Variants in PLCXD2 observed in about 807,000 individuals in gnomAD.
PLCXD2 encodes the protein phosphatidylinositol specific phospholipase C X domain containing 2, also known as PI-PLC X domain-containing protein 2.
Under a neutral mutation model 28.6 loss-of-function variants are expected in PLCXD2, and 21 were observed. That is an observed-to-expected ratio of 0.73 (90% CI 0.52 to 1.06). PLCXD2 has a LOEUF of 1.06. Among genes scored for constraint, PLCXD2 ranks in the 50% least tolerant of loss-of-function variants. The pLI is 0.00. For synonymous variants in PLCXD2, 140 were observed against 150.1 expected (o/e 0.93, Z 0.49); for missense variants, 369 against 376.7 (o/e 0.98, Z 0.17).
rs935486425 is a variant in PLCXD2, at chr3:111,675,954, A to G, written c.163+546A>G. On this transcript the variant is annotated intron_variant, in intron 1 of 4. Coordinates refer to ENST00000477665, the MANE Select transcript of PLCXD2 (RefSeq NM_001185106.1). ...GCCAGAATAGAGAATGCAGACTCTCATCACAGGCAGTCATTAGGTGTGATG... is the reference window on the plus strand; with the variant it reads ...GCCAGAATAGAGAATGCAGACTCTCGTCACAGGCAGTCATTAGGTGTGATG... Among the ~76,000 whole-genome samples, 9 of 152,214 alleles carry G rather than the reference A, an allele frequency of 5.9e-5. No homozygotes were observed. The East Asian group carries it at 1.7e-3, about 29-fold the overall frequency.
At chr3:111,723,386 A>G (rs940413383) in intron 3 of PLCXD2, 1 of 152,206 alleles carries the variant, frequency 6.6e-6, no homozygotes, top group Non-Finnish European at 1.5e-5. Flanking sequence ...ATATGGTTGC[A>G]CTTCACTTGG....
At chr3:111,700,155 G>A (rs1409784441) in intron 1 of PLCXD2, among the ~76,000 whole-genome samples, 2 of 152,114 alleles carry the variant, frequency 1.3e-5, no homozygotes, top group African/African-American at 4.8e-5. Flanking sequence ...TTTTAAAAGC[G>A]CCCCCTGCTC....
chr3:111,704,738 G>T (rs1465013646), intron 1 of PLCXD2, among the ~76,000 whole-genome samples: 1 of 151,798 alleles, frequency 6.6e-6, no homozygotes, highest in Non-Finnish European at 1.5e-5. Context: ...CTCTTTGAAA[G>T]TATACAATAA....
chr3:111,697,640 T>A (rs973550177), intron 1 of PLCXD2, among the ~76,000 whole-genome samples: 1 of 152,154 alleles, frequency 6.6e-6, no homozygotes, highest in Admixed American at 6.5e-5. Context: ...GGGAAGACAT[T>A]ACTGTTTTTT....
intron 3 of PLCXD2, among the ~76,000 whole-genome samples, chr3:111,715,508 T>C (rs1025116611): frequency 1.6e-4 from 25 of 152,244 alleles, no homozygotes; most frequent in African/African-American, 6.0e-4. Context: ...TGAAGAAGTC[T>C]GTGCAGACAG....
At chr3:111,696,826 G>T (rs147795799) in intron 1 of PLCXD2, among the ~76,000 whole-genome samples, 31 of 152,324 alleles carry the variant, frequency 2.0e-4, no homozygotes, top group South Asian at 1.4e-3. Context: ...ATGGCATTTA[G>T]ATGACTCTCA....
chr3:111,719,886 G>A (rs1476982833), intron 3 of PLCXD2, among the ~76,000 whole-genome samples: 2 of 152,206 alleles, frequency 1.3e-5, no homozygotes, highest in African/African-American at 2.4e-5. Context: ...ATTTTATTGA[G>A]CGTAAACTTT....
At chr3:111,682,477 G>A (rs1004816933) in intron 1 of PLCXD2, among the ~76,000 whole-genome samples, 4 of 152,116 alleles carry the variant, frequency 2.6e-5, no homozygotes, top group Non-Finnish European at 5.9e-5. Context: ...CTTAGAGAAT[G>A]TTCTATCAGT....
intron 1 of PLCXD2, among the ~76,000 whole-genome samples, chr3:111,706,003 G>C (rs891660750): frequency 7.2e-5 from 11 of 151,956 alleles, no homozygotes; most frequent in Non-Finnish European, 1.6e-4. Context: ...CTGCAGGTGT[G>C]CACCACCACT....
At chr3:111,709,398 G>A (rs933089686) in intron 2 of PLCXD2, among the ~76,000 whole-genome samples, 2 of 152,186 alleles carry the variant, frequency 1.3e-5, no homozygotes, top group East Asian at 1.9e-4. Context: ...ACATATATGT[G>A]TGTGTATGTG....
intron 1 of PLCXD2, among the ~76,000 whole-genome samples, chr3:111,703,407 C>A (rs1051109822): frequency 6.6e-6 from 1 of 152,218 alleles, no homozygotes; most frequent in Non-Finnish European, 1.5e-5. Flanking sequence ...CCATTGCTGT[C>A]ACATTTCTGC....
At chr3:111,695,441 A>T (rs942127222) in intron 1 of PLCXD2, among the ~76,000 whole-genome samples, 10 of 152,234 alleles carry the variant, frequency 6.6e-5, no homozygotes, top group African/African-American at 2.4e-4. Flanking sequence ...TAGTAATACA[A>T]TAGAACAATT....
chr3:111,726,119 A>AT (rs1941412292), intron 3 of PLCXD2: 1 of 370,550 alleles, frequency 2.7e-6, no homozygotes, highest in African/African-American at 2.1e-5. Flanking sequence ...GCTCACAAAC[A>AT]TTAAGCCCAA....
intron 1 of PLCXD2, among the ~76,000 whole-genome samples, chr3:111,693,234 T>A (rs1464017084): frequency 6.6e-6 from 1 of 152,186 alleles, no homozygotes; most frequent in Non-Finnish European, 1.5e-5. Flanking sequence ...GGGGCTTGCT[T>A]ACCCTTTCCA....
Position 111,708,355 on chromosome 3 carries a change from C to A in PLCXD2, c.593C>A (p.Thr198Lys), listed in dbSNP as rs770445265. 17 of 1,613,992 alleles carry A rather than the reference C, an allele frequency of 1.1e-5. No homozygotes were observed. Among genetic ancestry groups the A allele is most frequent in the Non-Finnish European group, 1.4e-5 (17 of 1,180,012 alleles). ...CCAGCCTGCAGTGTGGAAAGTTTGA[C>A]GCTGCGAACTCTGTGGGAGAAGAAC... Residue 198 changes from threonine (T) to lysine (K), a missense_variant, in exon 2 of 5, where the codon ACG becomes AAG. By Grantham distance (78) the Thr-to-Lys change is moderately conservative (BLOSUM62 -1). Coordinates refer to ENST00000477665, the MANE Select transcript of PLCXD2 (RefSeq NM_001185106.1).
intron 1 of PLCXD2, among the ~76,000 whole-genome samples, chr3:111,682,996 G>A (rs1940739149): frequency 1.3e-5 from 2 of 152,194 alleles, no homozygotes; most frequent in Admixed American, 1.3e-4. Context: ...TTTTGTGCCA[G>A]GTACTGTGTT....
chr3:111,707,491 T>TAAGCATTATCTCCAGTTTGTC (rs1941137453), intron 1 of PLCXD2, among the ~76,000 whole-genome samples: 1 of 152,166 alleles, frequency 6.6e-6, no homozygotes, highest in East Asian at 1.9e-4. Flanking sequence ...AAGAGACACT[T>TAAGCATTATCTCCAGTTTGTC]AAGCATTATC....
intron 1 of PLCXD2, among the ~76,000 whole-genome samples, chr3:111,688,131 T>C (rs537419475): frequency 1.1e-4 from 16 of 152,338 alleles, no homozygotes; most frequent in African/African-American, 3.4e-4. Context: ...TGTTAGTTTT[T>C]TCATCTGTAA....
intron 1 of PLCXD2, among the ~76,000 whole-genome samples, chr3:111,687,262 T>C (rs1439808672): frequency 6.6e-6 from 1 of 152,192 alleles, no homozygotes; most frequent in Non-Finnish European, 1.5e-5. Context: ...TCATCAAATA[T>C]CAACTCACTG....
Sources: allele counts gnomAD v4.1 joint callset (sites outside exome capture counted in the v4.1 genomes callset), GRCh38; gene constraint gnomAD v4.1.1; transcripts MANE v1.5; gene names NCBI Gene and HGNC (gene_info 2026-07-23, HGNC 2026-07-21).